Variants in PKHD1 observed in about 807,000 individuals in gnomAD.
PKHD1 encodes the protein fibrocystin.
A neutral mutation model predicts 412.0 loss-of-function variants in PKHD1; 291 were observed. The observed-to-expected ratio is 0.71, with a 90% CI of 0.64 to 0.78. PKHD1 has a LOEUF of 0.78. Ranked by LOEUF, PKHD1 falls within the 30% of genes least tolerant of loss-of-function variation. PKHD1 has a pLI of 0.00. For missense variants in PKHD1, 4,825 were observed against 4,950.7 expected, an observed-to-expected ratio of 0.97 and a Z score of 0.76; for synonymous variants, 1,777 against 1,821.5, an observed-to-expected ratio of 0.98 and a Z score of 0.62.
At chr6:52,019,405 T>C (rs889211610) in intron 33 of PKHD1, among the ~76,000 whole-genome samples, 5 of 152,222 alleles carry the variant, frequency 3.3e-5, no homozygotes, top group African/African-American at 1.2e-4. Flanking sequence ...TGGCTGTGAA[T>C]GTGTTTTGAA....
intron 32 of PKHD1, among the ~76,000 whole-genome samples, chr6:52,023,429 A>G (rs892298187): frequency 6.6e-6 from 1 of 152,120 alleles, no homozygotes; most frequent in African/African-American, 2.4e-5. Context: ...TGTTTTTTCA[A>G]AACTCTATGG....
chr6:51,623,363 T>C (rs1766858742), intron 66 of PKHD1, among the ~76,000 whole-genome samples: 1 of 152,158 alleles, frequency 6.6e-6, no homozygotes, highest in African/African-American at 2.4e-5. Flanking sequence ...CAAGGCAGTA[T>C]ATCCTTTGGT....
chr6:51,950,220 A>AAAAATAT lies in PKHD1; in HGVS notation c.5908+9649_5908+9650insATATTTT. On this transcript the variant is annotated intron_variant, in intron 36 of 66. Coordinates refer to ENST00000371117, the MANE Select transcript of PKHD1 (RefSeq NM_138694.4). ...AATGGGCAATATAGAGAAAAAAAAA[A>AAAAATAT]ATATATATATATATATATATGAAAT... Among the ~76,000 whole-genome samples, 619 of 98,290 alleles carry AAAAATAT rather than the reference A, an allele frequency of 6.3e-3. 12 individuals carry two copies. The highest frequency in any genetic ancestry group is 8.4e-3 in the Non-Finnish European group (432 of 51,198). The allele number at this position is 98,290 out of a possible 152,430, so 64.5% of individuals were successfully genotyped here. A position where few individuals can be genotyped will look rare whatever the true frequency, so the allele number is the denominator to read the frequency against.
At chr6:51,634,330 C>T (rs2580025) in intron 64 of PKHD1, among the ~76,000 whole-genome samples, 3,852 of 152,236 alleles carry the variant, frequency 0.025, 179 homozygotes, top group African/African-American at 0.088. Flanking sequence ...AACAAAATCT[C>T]CTCTGTATAC....
chr6:52,010,191 A>C, intron 35 of PKHD1, 118 bp downstream of exon 35: 1 of 835,536 alleles, frequency 1.2e-6, no homozygotes, highest in South Asian at 1.5e-5. Flanking sequence ...TCAAAGTTTG[A>C]GCACATTTAA....
At chr6:51,694,932 C>T (rs1408653955) in intron 60 of PKHD1, among the ~76,000 whole-genome samples, 11 of 91,194 alleles carry the variant, frequency 1.2e-4, no homozygotes, top group South Asian at 5.0e-4. Context: ...ATGGTTTCTT[C>T]CAATGGCACT....
At chr6:52,014,453 C>T (rs948590591) in intron 34 of PKHD1, among the ~76,000 whole-genome samples, 1 of 152,138 alleles carries the variant, frequency 6.6e-6, no homozygotes, top group Non-Finnish European at 1.5e-5. Flanking sequence ...TGTCACAACA[C>T]CTAGAACAGA....
chr6:51,819,393 G>C (rs1394133143), intron 52 of PKHD1, among the ~76,000 whole-genome samples: 1 of 152,164 alleles, frequency 6.6e-6, no homozygotes, highest in East Asian at 1.9e-4. Flanking sequence ...GAAACACTTT[G>C]AGAAATCCTG....
chr6:51,855,888 GT>G lies in PKHD1; in HGVS notation c.7911+4del. The G allele has an allele frequency of 6.2e-7, 1 of 1,609,036 alleles. No homozygotes were observed. Among genetic ancestry groups the G allele is most frequent in the Non-Finnish European group, 8.5e-7 (1 of 1,175,356 alleles). The stretch of plus-strand genomic sequence containing the variant: ...GCATACCAACTAATGGATTCCTTGG[GT>G]TACCTGCAGAGATCTGTTGATCCAA... On this transcript the variant is annotated splice_donor_region_variant and intron_variant, in intron 49 of 66. Coordinates refer to ENST00000371117, the MANE Select transcript of PKHD1 (RefSeq NM_138694.4).
chr6:52,033,719 A>C (rs1348718051), intron 28 of PKHD1, among the ~76,000 whole-genome samples: 3 of 152,140 alleles, frequency 2.0e-5, no homozygotes, highest in Non-Finnish European at 2.9e-5. Context: ...AATCTGTAGA[A>C]TAAACCTAGA....
rs975778294 is a variant in PKHD1 at position 51,824,799 on chromosome 6, C to T, written c.8302+6062G>A. On this transcript the variant is annotated intron_variant, in intron 52 of 66. Coordinates refer to ENST00000371117, the MANE Select transcript of PKHD1 (RefSeq NM_138694.4). ...CATATCCCTCTCTTCTAAGAAGAGGCTCTGGTCACACATGTAAAGATTTGA... is the reference window on the plus strand; with the variant it reads ...CATATCCCTCTCTTCTAAGAAGAGGTTCTGGTCACACATGTAAAGATTTGA... Among the ~76,000 whole-genome samples, 3 of 152,104 alleles carry T rather than the reference C, an allele frequency of 2.0e-5. No individual in the cohort carries two copies. In the South Asian group the frequency reaches 6.2e-4, roughly 31 times the overall value.
chr6:52,033,000 A>G (rs199992166), intron 29 of PKHD1, 30 bp downstream of exon 29: 3 of 1,590,026 alleles, frequency 1.9e-6, no homozygotes, highest in Non-Finnish European at 2.6e-6. Flanking sequence ...CTCTAAGAAG[A>G]AAAAGATCTT....
At chr6:51,958,710 A>G (rs1791536858) in intron 36 of PKHD1, among the ~76,000 whole-genome samples, 1 of 152,044 alleles carries the variant, frequency 6.6e-6, no homozygotes, top group African/African-American at 2.4e-5. Flanking sequence ...TGCCAAGAGT[A>G]TCTTTTCTCT....
chr6:51,789,978 A>G (rs571974383), intron 53 of PKHD1, among the ~76,000 whole-genome samples: 1 of 152,298 alleles, frequency 6.6e-6, no homozygotes, highest in African/African-American at 2.4e-5. Context: ...GTTGCCTTGA[A>G]AGGTTTTGAT....
At chr6:51,750,515 TAGGGCACGGCATG>T (rs1176523448) in intron 57 of PKHD1, among the ~76,000 whole-genome samples, 2 of 152,154 alleles carry the variant, frequency 1.3e-5, no homozygotes, top group Non-Finnish European at 2.9e-5. Flanking sequence ...AAGAGATGTG[TAGGGCACGGCATG>T]AGGGAAGGGC....
In PKHD1 at chr6:52,075,629, T is replaced by G. The variant is rs143048118; in HGVS notation, c.448+647A>C. Reference sequence around the variant, plus strand: ...TCTATCCTCCTGGCTTTTAAATATCTGTGTGCTCTCTAACTTTATAAACAA... The same window carrying G: ...TCTATCCTCCTGGCTTTTAAATATCGGTGTGCTCTCTAACTTTATAAACAA... On this transcript the variant is annotated intron_variant, in intron 6 of 66. Transcript: ENST00000371117. Among the ~76,000 whole-genome samples, 434 of 152,330 alleles carry G rather than the reference T, an allele frequency of 2.8e-3. 3 individuals carry two copies. Among genetic ancestry groups the G allele is most frequent in the African/African-American group, 0.01 (421 of 41,574 alleles).
Position 52,058,479 on chromosome 6 carries a change from G to A in PKHD1, c.1356C>T (p.Tyr452=), listed in dbSNP as rs1007001451. Residue 452 remains tyrosine (Y), a synonymous_variant, in exon 16 of 67, where the codon TAC becomes TAT. Coordinates refer to ENST00000371117, the MANE Select transcript of PKHD1 (RefSeq NM_138694.4). ...TCCCATGATGCTCTGCTTCCAGGTA[G>A]TACATGGCTCCACCCAACAGCTCCA... is the stretch of plus-strand genomic sequence containing the variant. ...PKLELLGGAM[Y]YLEAEHHGIA... is the part of the protein sequence containing the mutation. 4 of 1,614,076 alleles carry A rather than the reference G, an allele frequency of 2.5e-6. No individual in the cohort carries two copies. Among genetic ancestry groups the A allele is most frequent in the Non-Finnish European group, 2.5e-6 (3 of 1,180,026 alleles).
chr6:51,864,122 T>C (rs183333740), intron 48 of PKHD1, among the ~76,000 whole-genome samples: 2 of 152,128 alleles, frequency 1.3e-5, no homozygotes, highest in South Asian at 4.1e-4. Flanking sequence ...TCATGGAAGC[T>C]GAACATTATG....
chr6:52,080,628 G>A (rs1811895821), intron 4 of PKHD1, among the ~76,000 whole-genome samples: 2 of 152,164 alleles, frequency 1.3e-5, no homozygotes, highest in Admixed American at 6.5e-5. Context: ...AAAATCTTTA[G>A]TATGACCTTA....
Sources: allele counts gnomAD v4.1 joint callset (sites outside exome capture counted in the v4.1 genomes callset), GRCh38; gene constraint gnomAD v4.1.1; transcripts MANE v1.5; gene names NCBI Gene and HGNC (gene_info 2026-07-23, HGNC 2026-07-21).